Variants in PPARGC1A observed in about 807,000 individuals in gnomAD.
The protein encoded by PPARGC1A is PPARG coactivator 1 alpha, also known as peroxisome proliferator-activated receptor gamma coactivator 1-alpha.
Under a neutral mutation model 88.7 loss-of-function variants are expected in PPARGC1A, and 25 were observed. That is an observed-to-expected ratio of 0.28 (90% confidence interval 0.21 to 0.39). The LOEUF is 0.39. Ranked by LOEUF, PPARGC1A falls within the 10% of genes least tolerant of loss-of-function variation. The probability of loss-of-function intolerance (pLI) is 1.00; values close to 1 mark genes in which losing one functional copy is unlikely to be tolerated. For missense variants in PPARGC1A, 880 were observed against 968.7 expected (o/e 0.91, Z 1.22); for synonymous variants, 363 against 355.6 (o/e 1.02, Z -0.24).
the PPARGC1A span, among the ~76,000 whole-genome samples, chr4:24,128,579 T>TGTGTGTGC: frequency 2.2e-5 from 3 of 135,576 alleles, no homozygotes; most frequent in Admixed American, 1.5e-4. Context: ...TGTGTGTGTG[T>TGTGTGTGC]GCACGCGCAT....
chr4:24,339,643 T>C, the PPARGC1A span, among the ~76,000 whole-genome samples: 1 of 152,348 alleles, frequency 6.6e-6, no homozygotes, highest in East Asian at 1.9e-4. Flanking sequence ...TGTGCTTTCA[T>C]CACAGCCAAT....
the PPARGC1A span, among the ~76,000 whole-genome samples, chr4:23,970,427 A>T: frequency 1.4e-3 from 207 of 152,330 alleles, 4 homozygotes; most frequent in East Asian, 0.036. Context: ...CAACTTAGCA[A>T]AAAACAAGCT....
chr4:24,328,192 T>C, the PPARGC1A span, among the ~76,000 whole-genome samples: 1 of 152,024 alleles, frequency 6.6e-6, no homozygotes, highest in Non-Finnish European at 1.5e-5. Flanking sequence ...TGGTGGTCTC[T>C]TCACACGGAC....
chr4:24,141,351 G>A, the PPARGC1A span, among the ~76,000 whole-genome samples: 1 of 152,212 alleles, frequency 6.6e-6, no homozygotes, highest in Non-Finnish European at 1.5e-5. Context: ...CAGCTACACA[G>A]TGGACACAGG....
the PPARGC1A span, among the ~76,000 whole-genome samples, chr4:24,087,811 T>C: frequency 1.3e-5 from 2 of 152,204 alleles, no homozygotes; most frequent in Non-Finnish European, 2.9e-5. Context: ...GATTTTCAGA[T>C]TTACAGTTGA....
intron 2 of PPARGC1A, among the ~76,000 whole-genome samples, chr4:23,844,643 C>T (rs1219212125): frequency 3.4e-4 from 10 of 29,478 alleles, no homozygotes; most frequent in South Asian, 1.9e-3. Flanking sequence ...TAATATATAT[C>T]ATATTATATG....
the PPARGC1A span, among the ~76,000 whole-genome samples, chr4:24,233,380 C>T: frequency 6.6e-6 from 1 of 151,848 alleles, no homozygotes; most frequent in Non-Finnish European, 1.5e-5. Flanking sequence ...TCTCTCTTTT[C>T]TCATCTTCCT....
chr4:24,402,023 G>A, the PPARGC1A span, among the ~76,000 whole-genome samples: 7 of 152,128 alleles, frequency 4.6e-5, no homozygotes, highest in African/African-American at 1.7e-4. Context: ...CCCACTCCGC[G>A]GCTGCTCTGA....
intron 3 of PPARGC1A, among the ~76,000 whole-genome samples, chr4:23,830,450 A>G (rs1490564663): frequency 2.6e-5 from 4 of 152,238 alleles, no homozygotes; most frequent in Non-Finnish European, 4.4e-5. Context: ...ACAATCTGAT[A>G]TCAATGGAAA....
chr4:23,940,529 A>G, the PPARGC1A span, among the ~76,000 whole-genome samples: 1 of 152,232 alleles, frequency 6.6e-6, no homozygotes, highest in East Asian at 1.9e-4. Context: ...TATCATGTTA[A>G]AAACAAATCA....
chr4:23,970,975 T>C, the PPARGC1A span, among the ~76,000 whole-genome samples: 2 of 152,172 alleles, frequency 1.3e-5, no homozygotes, highest in African/African-American at 2.4e-5. Flanking sequence ...TGTTAAAATA[T>C]GAAAACACTT....
chr4:24,358,751 A>C, the PPARGC1A span, among the ~76,000 whole-genome samples: 10 of 152,364 alleles, frequency 6.6e-5, no homozygotes, highest in Admixed American at 2.0e-4. Context: ...CTCAGAACTG[A>C]GGCCCACCAG....
chr4:24,410,311 G>T, the PPARGC1A span, among the ~76,000 whole-genome samples: 1 of 151,330 alleles, frequency 6.6e-6, no homozygotes, highest in Non-Finnish European at 1.5e-5. Flanking sequence ...ATATGTGTAT[G>T]GATACACATA....
chr4:24,065,625 A>AC, the PPARGC1A span, among the ~76,000 whole-genome samples: 2 of 151,984 alleles, frequency 1.3e-5, no homozygotes, highest in East Asian at 3.9e-4. Context: ...AAGGAAAACC[A>AC]CCCCCAGCAA....
At chr4:24,418,596 G>A in the PPARGC1A span, among the ~76,000 whole-genome samples, 2 of 151,564 alleles carry the variant, frequency 1.3e-5, no homozygotes, top group African/African-American at 4.8e-5. Context: ...TAGAACCCAG[G>A]CCAGGTATGA....
At chr4:23,955,369 A>G in the PPARGC1A span, among the ~76,000 whole-genome samples, 1 of 152,124 alleles carries the variant, frequency 6.6e-6, no homozygotes, top group Non-Finnish European at 1.5e-5. Context: ...ATGAATAACA[A>G]ATTCATTATG....
the PPARGC1A span, among the ~76,000 whole-genome samples, chr4:24,392,167 C>G: frequency 6.6e-6 from 1 of 152,082 alleles, no homozygotes; most frequent in African/African-American, 2.4e-5. Flanking sequence ...ATGGGAAGGA[C>G]AGTTACATGT....
chr4:24,265,655 C>T, the PPARGC1A span, among the ~76,000 whole-genome samples: 3 of 152,046 alleles, frequency 2.0e-5, no homozygotes, highest in Non-Finnish European at 4.4e-5. Flanking sequence ...AAATTGCTTA[C>T]TTGTACATGA....
At position 23,845,240 on chromosome 4, in the gene PPARGC1A, A is replaced by T. The variant is rs149279092; in HGVS notation, c.235-13489T>A. 2.5e-3 allele frequency among the ~76,000 whole-genome samples: 376 copies of T among 152,212 alleles called. 2 individuals carry two copies. Among genetic ancestry groups the T allele is most frequent in the African/African-American group, 8.4e-3 (351 of 41,554 alleles). ...TAACCAGTGTTTTTTACATTATGTA[A>T]GGAAGAATAATTTCCTATTACAACC... On this transcript the variant is annotated intron_variant, in intron 2 of 12. Coordinates refer to ENST00000264867, the MANE Select transcript of PPARGC1A (RefSeq NM_013261.5).
Sources: gnomAD v4.1 joint callset for allele counts (sites outside exome capture counted in the v4.1 genomes callset) on GRCh38, gnomAD v4.1.1 for gene constraint, MANE v1.5 for transcripts, NCBI Gene and HGNC (gene_info 2026-07-23, HGNC 2026-07-21) for gene names.